Variants in TNS3 observed in about 807,000 individuals in gnomAD.
TNS3 encodes tensin 3.
TNS3 carries 45 observed loss-of-function variants against 140.9 expected under a neutral mutation model. The ratio of observed to expected loss-of-function variants is 0.32; its 90% CI spans 0.25 to 0.41. TNS3 has a LOEUF of 0.41. Among genes scored for constraint, TNS3 ranks in the 10% least tolerant of loss-of-function variants. The probability of loss-of-function intolerance (pLI) is 1.00; values close to 1 mark genes in which losing one functional copy is unlikely to be tolerated. For missense variants in TNS3, 1,716 were observed against 1,906.7 expected (o/e 0.90, Z 1.86); for synonymous variants, 815 against 788.4 (o/e 1.03, Z -0.56).
chr7:47,298,996 T>C (rs761650437), intron 23 of TNS3, among the ~76,000 whole-genome samples: 1 of 152,144 alleles, frequency 6.6e-6, no homozygotes, highest in Non-Finnish European at 1.5e-5. Context: ...CAGCCGCCCA[T>C]GCAAGGGACC....
intron 28 of TNS3, among the ~76,000 whole-genome samples, chr7:47,281,398 A>G (rs1432294624): frequency 2.0e-5 from 3 of 152,212 alleles, no homozygotes; most frequent in Admixed American, 2.0e-4. Flanking sequence ...GGGCCAGTCT[A>G]GCTGGCTTTG....
intron 3 of TNS3, among the ~76,000 whole-genome samples, chr7:47,503,223 T>C (rs1221314040): frequency 6.6e-6 from 1 of 152,060 alleles, no homozygotes; most frequent in Non-Finnish European, 1.5e-5. Flanking sequence ...AAGGAGCAAA[T>C]GTGTCTGCAA....
intron 27 of TNS3, among the ~76,000 whole-genome samples, chr7:47,288,414 A>C (rs1389070360): frequency 6.6e-6 from 1 of 152,250 alleles, no homozygotes; most frequent in Non-Finnish European, 1.5e-5. Context: ...TTGTGATTTT[A>C]AAACCACTAA....
intron 5 of TNS3, among the ~76,000 whole-genome samples, chr7:47,440,603 A>G (rs754836160): frequency 2.6e-5 from 4 of 152,152 alleles, no homozygotes; most frequent in Non-Finnish European, 4.4e-5. Context: ...AGGGCCTCCC[A>G]CAGACCACAG....
intron 24 of TNS3, 24 bp from the exon 25 acceptor site, chr7:47,293,852 G>A (rs918496802): frequency 6.2e-7 from 1 of 1,612,840 alleles, no homozygotes; most frequent in Non-Finnish European, 8.5e-7. Flanking sequence ...TTTAAAGAAA[G>A]AAGAATTTTT....
In TNS3 at chr7:47,398,361, C is replaced by CA. The variant is rs530398332; in HGVS notation, c.920-1458dup. Among the ~76,000 whole-genome samples the CA allele has an allele frequency of 7.9e-3, 1,197 of 150,962 alleles. 10 individuals carry two copies. The highest frequency in any genetic ancestry group is 0.012 in the Non-Finnish European group (803 of 67,626). On this transcript the variant is annotated intron_variant, in intron 15 of 30. Transcript: ENST00000311160. ...CAAAACTAGGAAAGAATATAACAAA[C>CA]AAACAAACAAAAAAGAAAATCACAG... is the stretch of plus-strand genomic sequence containing the variant.
intron 28 of TNS3, among the ~76,000 whole-genome samples, chr7:47,282,505 A>G (rs1011338287): frequency 7.0e-6 from 1 of 143,734 alleles, no homozygotes. Context: ...CTGAGAACAC[A>G]GTGGGGCTGA....
At chr7:47,532,517 A>G in intron 1 of TNS3, among the ~76,000 whole-genome samples, 1 of 152,070 alleles carries the variant, frequency 6.6e-6, no homozygotes, top group African/African-American at 2.4e-5. Flanking sequence ...TTCCAGCTGC[A>G]GAGAGGAACT....
chr7:47,505,717 T>TTG (rs58992722), intron 3 of TNS3, among the ~76,000 whole-genome samples: 4,952 of 150,110 alleles, frequency 0.033, 227 homozygotes, highest in African/African-American at 0.1. Flanking sequence ...TCTTCCAACT[T>TTG]TGTGTGTGTG....
intron 16 of TNS3, among the ~76,000 whole-genome samples, chr7:47,391,463 T>G (rs974890857): frequency 1.3e-5 from 2 of 152,170 alleles, no homozygotes; most frequent in Admixed American, 6.5e-5. Flanking sequence ...GGAGGTATCT[T>G]TAGAGTCATC....
At chr7:47,360,041 C>G (rs967868490) in intron 17 of TNS3, among the ~76,000 whole-genome samples, 1 of 152,184 alleles carries the variant, frequency 6.6e-6, no homozygotes, top group African/African-American at 2.4e-5. Context: ...GTGAGAGTAT[C>G]TGGGGCAAAT....
At position 47,277,851 on chromosome 7, in the gene TNS3, G is replaced by C. The variant is rs1254462459; in HGVS notation, c.*225C>G. Reference sequence around the variant, plus strand: ...ATGCCCAGCTTCTTCTACCCAAAAAGCATGTGGCTACAGAGATGTGTCAGA... The same window carrying C: ...ATGCCCAGCTTCTTCTACCCAAAAACCATGTGGCTACAGAGATGTGTCAGA... On this transcript the variant is annotated 3_prime_UTR_variant, in exon 31 of 31. Coordinates refer to ENST00000311160, the MANE Select transcript of TNS3 (RefSeq NM_022748.12). 1.6e-6 allele frequency: 1 copy of C among 634,070 alleles called. No homozygotes were observed. The highest frequency in any genetic ancestry group is 1.8e-5 in the African/African-American group (1 of 55,566). 39.3% of individuals were successfully genotyped at this position (634,070 alleles called of 1,614,324 possible).
chr7:47,571,356 G>A (rs1261832050), intron 1 of TNS3, among the ~76,000 whole-genome samples: 1 of 152,228 alleles, frequency 6.6e-6, no homozygotes, highest in Non-Finnish European at 1.5e-5. Context: ...GAGAAGGGGT[G>A]CCACCTGGGT....
chr7:47,398,590 G>A (rs568734647), intron 15 of TNS3, among the ~76,000 whole-genome samples: 2 of 152,260 alleles, frequency 1.3e-5, no homozygotes, highest in East Asian at 3.9e-4. Flanking sequence ...CATTTCAGTA[G>A]ATGTGAAAAA....
rs752976656 is a variant in TNS3 at position 47,277,977 on chromosome 7, G to A, written c.*99C>T. The A allele has an allele frequency of 2.9e-6, 4 of 1,357,178 alleles. No individual in the cohort carries two copies. Among genetic ancestry groups the A allele is most frequent in the Non-Finnish European group, 4.2e-6 (4 of 955,418 alleles). 84.1% of individuals were successfully genotyped at this position (1,357,178 alleles called of 1,614,324 possible). The stretch of plus-strand genomic sequence containing the variant: ...TCCCCTCATGGGCCTGGAATGTCAG[G>A]TTTACTAGTTTGGTAAAAAGTGGGG... On this transcript the variant is annotated 3_prime_UTR_variant, in exon 31 of 31. Transcript: ENST00000311160.
intron 1 of TNS3, among the ~76,000 whole-genome samples, chr7:47,554,588 A>C (rs1486119505): frequency 6.6e-6 from 1 of 152,206 alleles, no homozygotes; most frequent in Non-Finnish European, 1.5e-5. Flanking sequence ...ACTTCAGTGA[A>C]GAAAGGAGCT....
intron 3 of TNS3, among the ~76,000 whole-genome samples, chr7:47,505,142 C>T (rs184234772): frequency 3.9e-5 from 6 of 152,234 alleles, no homozygotes; most frequent in Admixed American, 2.0e-4. Flanking sequence ...ACTCCGCAGC[C>T]GACCCAAGGT....
chr7:47,343,483 A>G (rs1300953323), intron 20 of TNS3, among the ~76,000 whole-genome samples: 2 of 152,180 alleles, frequency 1.3e-5, no homozygotes, highest in African/African-American at 4.8e-5. Flanking sequence ...TTGGTGTTGC[A>G]GGAGAAGACA....
intron 1 of TNS3, among the ~76,000 whole-genome samples, chr7:47,547,648 C>G (rs908580900): frequency 1.1e-4 from 17 of 152,084 alleles, no homozygotes; most frequent in Non-Finnish European, 2.2e-4. Flanking sequence ...GACAGCAAGC[C>G]AAGGTCACAG....
Sources: allele counts gnomAD v4.1 joint callset (sites outside exome capture counted in the v4.1 genomes callset), GRCh38; gene constraint gnomAD v4.1.1; transcripts MANE v1.5; gene names NCBI Gene and HGNC (gene_info 2026-07-23, HGNC 2026-07-21).